The following ERCC6L variants were observed in gnomAD, a reference collection of about 807,000 sequenced individuals.
ERCC6L encodes ERCC excision repair 6 like, spindle assembly checkpoint helicase, also known as DNA excision repair protein ERCC-6-like.
A neutral mutation model predicts 20.1 loss-of-function variants in ERCC6L; 7 were observed. The ratio of observed to expected loss-of-function variants is 0.35; its 90% CI spans 0.20 to 0.65. The LOEUF is 0.65. Among genes scored for constraint, ERCC6L ranks in the 30% least tolerant of loss-of-function variants. The pLI is 0.69. For synonymous variants in ERCC6L, 278 were observed against 331.3 expected, an observed-to-expected ratio of 0.84 and a Z score of 1.75; for missense variants, 592 against 892.4, an observed-to-expected ratio of 0.66 and a Z score of 4.29.
Position 72,236,000 on chromosome X carries a change from G to A in ERCC6L, c.68+2844C>T, listed in dbSNP as rs542095206. ...AACTTCAAACTATGTAAGGAGAGAA[G>A]TGAGAACCTGAGGGGTGTGCAACAG... On this transcript the variant is annotated intron_variant, in intron 1 of 1. Coordinates refer to ENST00000334463, the MANE Select transcript of ERCC6L (RefSeq NM_017669.4). 3.9e-4 allele frequency among the ~76,000 whole-genome samples: 44 copies of A among 112,496 alleles called. 1 individual carries two copies. In the South Asian group the frequency reaches 5.5e-3, roughly 14 times the overall value.
rs1334249905 is a variant in ERCC6L, at chrX:72,206,501, G to T, written c.2266C>A (p.Pro756Thr). The T allele has an allele frequency of 2.1e-5, 26 of 1,209,728 alleles. No individual in the cohort carries two copies. Among genetic ancestry groups the T allele is most frequent in the Non-Finnish European group, 2.7e-5 (24 of 895,218 alleles). The change falls in exon 2 of 2, where the codon CCT becomes ACT. Residue 756 changes from proline (P) to threonine (T), a missense_variant. Pro to Thr is a conservative substitution (Grantham distance 38). Transcript: ENST00000334463. ...KLNKPQPQPSPLLSTHHTQEE... is the reference protein window; with the variant it reads ...KLNKPQPQPSTLLSTHHTQEE... ...TGAGTATGATGAGTACTTAGAAGAG[G>T]TGAAGGCTGAGGCTGTGGTTTATTC...
At chrX:72,236,558 T>C (rs2043018455) in intron 1 of ERCC6L, among the ~76,000 whole-genome samples, 1 of 111,923 alleles carries the variant, frequency 8.9e-6, no homozygotes, top group South Asian at 3.7e-4. Context: ...CCTCCCAAAG[T>C]GCTGGGATTA....
rs1310697871 is a variant in ERCC6L, at chrX:72,205,316, G to C, written c.3451C>G (p.Leu1151Val). 1 of 1,212,006 alleles carries C rather than the reference G, an allele frequency of 8.3e-7. No homozygotes were observed. The highest frequency in any genetic ancestry group is 1.7e-5 in the African/African-American group (1 of 57,859). The change falls in exon 2 of 2, where the codon CTG (leucine) becomes GTG (valine). Residue 1151 changes from leucine (L) to valine (V), a missense_variant. Transcript: ENST00000334463. Reference sequence around the variant, plus strand: ...CAGCTGGACTTGTTTTCTGAAGACAGTGTTTCTCCGGAAGGATCCTCTTCT... The same window carrying C: ...CAGCTGGACTTGTTTTCTGAAGACACTGTTTCTCCGGAAGGATCCTCTTCT... ...YTEEDPSGET[L>V]SSENKSSWLM...
intron 1 of ERCC6L, among the ~76,000 whole-genome samples, chrX:72,223,625 G>T (rs185972246): frequency 1.8e-4 from 20 of 111,020 alleles, no homozygotes; most frequent in Admixed American, 3.8e-4. Flanking sequence ...CTGACCTCAG[G>T]TGATCCACCC....
Position 72,206,871 on chromosome X carries a change from A to G in ERCC6L, c.1896T>C (p.Asp632=), listed in dbSNP as rs181182650. ...GCAGCTGGGTTACAGAGTTCTGAAGATCCTCGATTGTAAAGAGCTCTCTTA... is the reference window on the plus strand; with the variant it reads ...GCAGCTGGGTTACAGAGTTCTGAAGGTCCTCGATTGTAAAGAGCTCTCTTA... ...QELRELFTIE[D]LQNSVTQLQL... is the part of the protein sequence containing the mutation. Residue 632 remains aspartate (D), a synonymous_variant, in exon 2 of 2, where the codon GAT becomes GAC. Transcript: ENST00000334463. 8.3e-6 allele frequency: 10 copies of G among 1,210,163 alleles called. No homozygotes were observed. The East Asian group carries it at 2.1e-4, about 25-fold the overall frequency.
At chrX:72,219,054 G>A (rs1416159594) in intron 1 of ERCC6L, among the ~76,000 whole-genome samples, 3 of 112,243 alleles carry the variant, frequency 2.7e-5, no homozygotes, top group Non-Finnish European at 5.6e-5. Flanking sequence ...TCAGGAGTTC[G>A]AGACCTGCCT....
chrX:72,238,788 C>A, intron 1 of ERCC6L, 56 bp downstream of exon 1: 1 of 1,104,249 alleles, frequency 9.1e-7, no homozygotes, highest in Non-Finnish European at 1.2e-6. Context: ...GGGGCCACCC[C>A]ACCTCCACCC....
chrX:72,236,404 T>C (rs1215604105), intron 1 of ERCC6L, among the ~76,000 whole-genome samples: 2 of 111,717 alleles, frequency 1.8e-5, no homozygotes, highest in Non-Finnish European at 3.8e-5. Context: ...GTTGAAGCAA[T>C]TCTGCCTCAG....
chrX:72,224,382 G>A (rs1434998514), intron 1 of ERCC6L, among the ~76,000 whole-genome samples: 1 of 110,849 alleles, frequency 9.0e-6, no homozygotes, highest in African/African-American at 3.3e-5. Flanking sequence ...TTCATTCATC[G>A]GCCCTACATC....
chrX:72,225,027 A>G (rs1443543660), intron 1 of ERCC6L, among the ~76,000 whole-genome samples: 1 of 111,529 alleles, frequency 9.0e-6, no homozygotes, highest in Non-Finnish European at 1.9e-5. Flanking sequence ...GATGGCTCCT[A>G]TAGACTGGTT....
At chrX:72,233,678 C>T (rs957772079) in intron 1 of ERCC6L, among the ~76,000 whole-genome samples, 2 of 104,071 alleles carry the variant, frequency 1.9e-5, no homozygotes, top group African/African-American at 7.3e-5. Context: ...GCCGAGATTG[C>T]GCCACCACAC....
At chrX:72,212,951 A>G (rs1439336319) in intron 1 of ERCC6L, among the ~76,000 whole-genome samples, 1 of 112,227 alleles carries the variant, frequency 8.9e-6, no homozygotes, top group Non-Finnish European at 1.9e-5. Flanking sequence ...GTCTCAAAAA[A>G]AAAAGAATGT....
intron 1 of ERCC6L, among the ~76,000 whole-genome samples, chrX:72,227,157 C>T (rs767915745): frequency 1.8e-5 from 2 of 111,690 alleles, no homozygotes; most frequent in Non-Finnish European, 3.8e-5. Context: ...CAGGATGGGT[C>T]GAGGCTTTTC....
chrX:72,208,272 G>A lies in ERCC6L; in HGVS notation c.495C>T (p.Ile165=). Residue 165 remains isoleucine (I), a synonymous_variant, in exon 2 of 2, where the codon ATC becomes ATT. Coordinates refer to ENST00000334463, the MANE Select transcript of ERCC6L (RefSeq NM_017669.4). The part of the protein sequence containing the change: ...NLINTWVKEF[I]KWTPGMRVKT... ...TGACTCTCATTCCTGGAGTCCACTT[G>A]ATGAATTCTTTTACCCATGTGTTAA... is the stretch of plus-strand genomic sequence containing the variant. 8.3e-7 allele frequency: 1 copy of A among 1,211,799 alleles called. No individual in the cohort carries two copies. Among genetic ancestry groups the A allele is most frequent in the South Asian group, 1.8e-5 (1 of 56,987 alleles).
At chrX:72,219,749 T>A (rs1602444503) in intron 1 of ERCC6L, among the ~76,000 whole-genome samples, 4 of 101,472 alleles carry the variant, frequency 3.9e-5, no homozygotes, top group African/African-American at 1.1e-4. Flanking sequence ...CTCAGGAGGC[T>A]GAGGCAGGAG....
chrX:72,215,401 A>G (rs2042882346), intron 1 of ERCC6L, among the ~76,000 whole-genome samples: 1 of 112,223 alleles, frequency 8.9e-6, no homozygotes, highest in Non-Finnish European at 1.9e-5. Context: ...GAAAAAAACT[A>G]AACAAATATT....
chrX:72,233,848 C>G (rs1159172461), intron 1 of ERCC6L, among the ~76,000 whole-genome samples: 1 of 108,066 alleles, frequency 9.3e-6, no homozygotes, highest in Admixed American at 9.9e-5. Context: ...GGCAAGGGGG[C>G]TCATGCCTGT....
Position 72,215,967 on chromosome X carries a change from A to T in ERCC6L, c.69-7269T>A, listed in dbSNP as rs752025025. On this transcript the variant is annotated intron_variant, in intron 1 of 1. Transcript: ENST00000334463. ...CTATAAAATGTTGGCATTTCTGGGG[A>T]TCTTTTTGTTGTCAATGTCCTTCTG... Among the ~76,000 whole-genome samples the T allele has an allele frequency of 6.3e-4, 69 of 109,832 alleles. 2 individuals carry two copies. The South Asian group carries it at 0.026, about 42-fold the overall frequency.
At chrX:72,211,369 T>C (rs1253780318) in intron 1 of ERCC6L, among the ~76,000 whole-genome samples, 2 of 111,174 alleles carry the variant, frequency 1.8e-5, no homozygotes, top group Non-Finnish European at 3.8e-5. Context: ...AGAATAGTGC[T>C]AGAGTATGGG....
Sources: allele counts gnomAD v4.1 joint callset (sites outside exome capture counted in the v4.1 genomes callset), GRCh38; gene constraint gnomAD v4.1.1; transcripts MANE v1.5; gene names NCBI Gene and HGNC (gene_info 2026-07-23, HGNC 2026-07-21).